The following VAC14 variants were observed in gnomAD, a reference collection of about 807,000 sequenced individuals.
VAC14 encodes the protein VAC14 component of PIKFYVE complex, also known as protein VAC14 homolog.
In VAC14, 47 loss-of-function variants were observed where a neutral mutation model predicts 85.3. The ratio of observed to expected loss-of-function variants is 0.55; its 90% CI spans 0.44 to 0.70. The LOEUF is 0.70. VAC14 is among the 30% of genes least tolerant of loss of function. The pLI is 0.00. For synonymous variants in VAC14, 447 were observed against 430.5 expected (o/e 1.04, Z -0.47); for missense variants, 861 against 1,004.3 (o/e 0.86, Z 1.93).
At chr16:70,746,964 G>A (rs928560597) in intron 12 of VAC14, 2 of 152,236 alleles carry the variant, frequency 1.3e-5, no homozygotes, top group African/African-American at 2.4e-5. Flanking sequence ...AGCTGCCATA[G>A]GTATACTCCC....
rs563549830 is a variant in VAC14, at chr16:70,746,508, G to A, written c.1372-1929C>T. ...CAGAGTGGAGAGCTGATGAATCCACGTGGCTGAGACACATGGCTGCCACAC... is the reference window on the plus strand; with the variant it reads ...CAGAGTGGAGAGCTGATGAATCCACATGGCTGAGACACATGGCTGCCACAC... On this transcript the variant is annotated intron_variant, in intron 12 of 18. Coordinates refer to ENST00000261776, the MANE Select transcript of VAC14 (RefSeq NM_018052.5). Among the ~76,000 whole-genome samples the A allele has an allele frequency of 1.3e-4, 20 of 152,298 alleles. No homozygotes were observed. In the East Asian group the frequency reaches 3.1e-3, roughly 24 times the overall value.
chr16:70,755,434 C>T (rs746862321), intron 12 of VAC14, among the ~76,000 whole-genome samples: 2 of 152,238 alleles, frequency 1.3e-5, no homozygotes, highest in Non-Finnish European at 2.9e-5. Flanking sequence ...TGGGCCGGGT[C>T]CCTGCTCTGC....
intron 18 of VAC14, chr16:70,688,758 A>G: frequency 1.0e-6 from 1 of 985,508 alleles, no homozygotes; most frequent in Non-Finnish European, 1.2e-6. Context: ...TGCTCCCTAT[A>G]ATGGTGCAAT....
chr16:70,801,132 C>A lies in VAC14; in HGVS notation c.-232G>T. On this transcript the variant is annotated 5_prime_UTR_variant, in exon 1 of 19. Coordinates refer to ENST00000261776, the MANE Select transcript of VAC14 (RefSeq NM_018052.5). ...TCCCGCCCGGCACTAGCGGGACTCA[C>A]GAGACAGCGGCCATGTTACTCGAGT... The A allele has an allele frequency of 2.4e-6, 1 of 425,160 alleles. No homozygotes were observed. Among genetic ancestry groups the A allele is most frequent in the Non-Finnish European group, 4.1e-6 (1 of 241,742 alleles). The allele number at this position is 425,160 out of a possible 1,614,324, so 26.3% of individuals were successfully genotyped here.
chr16:70,748,723 G>C (rs1328305349), intron 12 of VAC14, among the ~76,000 whole-genome samples: 2 of 152,200 alleles, frequency 1.3e-5, no homozygotes, highest in Non-Finnish European at 2.9e-5. Flanking sequence ...GAGGCAGGCA[G>C]ATCACCTGAC....
chr16:70,795,377 C>T (rs768884419), intron 1 of VAC14, among the ~76,000 whole-genome samples: 2 of 151,714 alleles, frequency 1.3e-5, no homozygotes, highest in Non-Finnish European at 2.9e-5. Flanking sequence ...GCCTGTAGTC[C>T]CAGCTACTAG....
chr16:70,724,166 C>T (rs1229859308), intron 14 of VAC14, among the ~76,000 whole-genome samples: 2 of 152,184 alleles, frequency 1.3e-5, no homozygotes, highest in South Asian at 2.1e-4. Flanking sequence ...CCCTCATACC[C>T]CAGGTCAGAC....
rs1487695100 is a variant in VAC14 at position 70,784,172 on chromosome 16, A to G, written c.535T>C (p.Leu179=). ...NKFDLVSFIP[L]LRERIYSNNQ... ...TTGGAGTAAATCCTCTCTCGCAACA[A>G]GGGGATGAAGCTCACCAGGTCAAAC... The change falls in exon 5 of 19, where the codon TTG becomes CTG. Residue 179 remains leucine, a synonymous_variant. Coordinates refer to ENST00000261776, the MANE Select transcript of VAC14 (RefSeq NM_018052.5). 3 of 1,614,180 alleles carry G rather than the reference A, an allele frequency of 1.9e-6. No homozygotes were observed. Among genetic ancestry groups the G allele is most frequent in the Non-Finnish European group, 8.5e-7 (1 of 1,180,028 alleles).
rs754809591 is a variant in VAC14 at position 70,785,677 on chromosome 16, T to TGAG, written c.423+22_423+24dup. On this transcript the variant is annotated intron_variant, in intron 3 of 18. Transcript: ENST00000261776. Reference sequence around the variant, plus strand: ...GGTGGGGGAACCAAGCGCAGCTCAGTGAGGAGGAGGAGGAGGGCGGTTACC... The same window carrying TGAG: ...GGTGGGGGAACCAAGCGCAGCTCAGTGAGGAGGAGGAGGAGGAGGGCGGTTACC... 1.0e-5 allele frequency: 16 copies of TGAG among 1,536,076 alleles called. No homozygotes were observed. In the East Asian group the frequency reaches 1.2e-4, roughly 12 times the overall value.
At chr16:70,789,481 T>TGA (rs2034227019) in intron 1 of VAC14, among the ~76,000 whole-genome samples, 1 of 152,008 alleles carries the variant, frequency 6.6e-6, no homozygotes, top group East Asian at 1.9e-4. Flanking sequence ...TAAAGGGAGG[T>TGA]GCGCACACAG....
intron 1 of VAC14, among the ~76,000 whole-genome samples, chr16:70,789,354 C>T (rs1200887705): frequency 6.6e-6 from 1 of 152,228 alleles, no homozygotes; most frequent in Non-Finnish European, 1.5e-5. Context: ...CTGCCTTCTC[C>T]CTCCTGCTCT....
rs545534385 is a variant in VAC14, at chr16:70,711,281, G to A, written c.1662-12470C>T. Among the ~76,000 whole-genome samples the A allele has an allele frequency of 8.5e-5, 13 of 152,286 alleles. No homozygotes were observed. In the East Asian group the frequency reaches 2.5e-3, roughly 30 times the overall value. ...TGCAACTGCCTCACCAGGCCTGATC[G>A]CTTCAGGCATGGCCATGCCCTCCTG... On this transcript the variant is annotated intron_variant, in intron 14 of 18. Transcript: ENST00000261776.
At chr16:70,780,455 G>A (rs16970543) in intron 9 of VAC14, among the ~76,000 whole-genome samples, 6,056 of 152,118 alleles carry the variant, frequency 0.04, 414 homozygotes, top group African/African-American at 0.14. Context: ...ACTCTTTCCC[G>A]TGAATCCAGG....
chr16:70,752,049 C>T (rs369161335), intron 12 of VAC14, among the ~76,000 whole-genome samples: 1 of 152,298 alleles, frequency 6.6e-6, no homozygotes, highest in African/African-American at 2.4e-5. Context: ...TGATAGAAAA[C>T]GTTTTGTCTT....
chr16:70,765,405 T>C (rs1251841022), intron 10 of VAC14, among the ~76,000 whole-genome samples: 1 of 152,088 alleles, frequency 6.6e-6, no homozygotes, highest in African/African-American at 2.4e-5. Context: ...CTGGGGGGAA[T>C]AACAGCTCTG....
intron 14 of VAC14, among the ~76,000 whole-genome samples, chr16:70,728,935 C>T (rs977632410): frequency 2.6e-5 from 4 of 152,212 alleles, no homozygotes; most frequent in African/African-American, 7.2e-5. Flanking sequence ...CCTCTTGCAC[C>T]ATAGCTAACC....
chr16:70,713,727 A>C (rs1251221783), intron 14 of VAC14, among the ~76,000 whole-genome samples: 2 of 126,700 alleles, frequency 1.6e-5, no homozygotes, highest in Non-Finnish European at 3.3e-5. Context: ...TTTTTTTTGT[A>C]GAGATGGGGT....
At chr16:70,778,662 G>C (rs1037904049) in intron 9 of VAC14, 3 of 152,102 alleles carry the variant, frequency 2.0e-5, no homozygotes, top group Non-Finnish European at 4.4e-5. Flanking sequence ...TTCTGACTAT[G>C]GATTAAGAGG....
intron 12 of VAC14, among the ~76,000 whole-genome samples, chr16:70,756,771 G>A (rs1010821231): frequency 2.6e-5 from 4 of 152,100 alleles, no homozygotes; most frequent in Non-Finnish European, 2.9e-5. Flanking sequence ...TGTACCTTAC[G>A]AAACTTACAA....
Sources: gnomAD v4.1 joint callset for allele counts (sites outside exome capture counted in the v4.1 genomes callset) on GRCh38, gnomAD v4.1.1 for gene constraint, MANE v1.5 for transcripts, NCBI Gene and HGNC (gene_info 2026-07-23, HGNC 2026-07-21) for gene names.